The following B3GALT1 variants were observed in gnomAD, a reference collection of about 807,000 sequenced individuals.
B3GALT1 encodes beta-1,3-galactosyltransferase 1.
Under a neutral mutation model 23.2 loss-of-function variants are expected in B3GALT1, and 10 were observed. The observed-to-expected ratio is 0.43, with a 90% CI of 0.27 to 0.73. The LOEUF (loss-of-function observed/expected upper bound fraction) is 0.73, where lower values mean the gene tolerates loss of function less well. B3GALT1 is among the 30% of genes least tolerant of loss of function. The pLI is 0.21. For missense variants in B3GALT1, 299 were observed against 405.4 expected, an observed-to-expected ratio of 0.74 and a Z score of 2.25; for synonymous variants, 156 against 141.5, an observed-to-expected ratio of 1.10 and a Z score of -0.73.
chr2:167,709,059 GCTTCTGCC>G (rs1244588067), intron 3 of B3GALT1, among the ~76,000 whole-genome samples: 2 of 152,162 alleles, frequency 1.3e-5, no homozygotes. Context: ...GGGTATTTTT[GCTTCTGCC>G]CATTTCATGC....
rs115083548 is a variant in B3GALT1 at position 167,790,498 on chromosome 2, C to T, written c.-351-28174C>T. 2.2e-3 allele frequency among the ~76,000 whole-genome samples: 342 copies of T among 152,308 alleles called. 1 individual carries two copies. Among genetic ancestry groups the T allele is most frequent in the African/African-American group, 7.6e-3 (315 of 41,566 alleles). Reference sequence around the variant, plus strand: ...TGGACTGTCCGTCTCTACCATCATCCCCATCCTACTCTCGACACACAACCA... The same window carrying T: ...TGGACTGTCCGTCTCTACCATCATCTCCATCCTACTCTCGACACACAACCA... On this transcript the variant is annotated intron_variant, in intron 3 of 4. Transcript: ENST00000392690.
At chr2:167,382,297 TTCTC>T (rs967903625) in intron 1 of B3GALT1, among the ~76,000 whole-genome samples, 2 of 152,156 alleles carry the variant, frequency 1.3e-5, no homozygotes, top group African/African-American at 4.8e-5. Context: ...CTAAGTTTTT[TTCTC>T]TCTTTTTTGT....
intron 2 of B3GALT1, among the ~76,000 whole-genome samples, chr2:167,550,517 A>G (rs1323236429): frequency 1.3e-5 from 2 of 152,208 alleles, no homozygotes; most frequent in African/African-American, 2.4e-5. Flanking sequence ...GATCTCTAAA[A>G]TTTTGATAAA....
chr2:167,632,462 T>C (rs997030871), intron 2 of B3GALT1, among the ~76,000 whole-genome samples: 8 of 152,098 alleles, frequency 5.3e-5, no homozygotes, highest in African/African-American at 1.9e-4. Context: ...ATCTGTTGTT[T>C]CCAGACTTTT....
intron 1 of B3GALT1, among the ~76,000 whole-genome samples, chr2:167,384,836 C>T (rs1033386392): frequency 1.3e-5 from 2 of 151,988 alleles, no homozygotes; most frequent in African/African-American, 4.8e-5. Context: ...TTAAAACCTC[C>T]ATCTCACCAA....
At chr2:167,540,243 C>T (rs1683513134) in intron 2 of B3GALT1, among the ~76,000 whole-genome samples, 1 of 152,116 alleles carries the variant, frequency 6.6e-6, no homozygotes, top group Admixed American at 6.5e-5. Context: ...AAGCATGCAC[C>T]AAGAAAGTGC....
At chr2:167,486,649 C>CA (rs1699630784) in intron 1 of B3GALT1, among the ~76,000 whole-genome samples, 1 of 151,192 alleles carries the variant, frequency 6.6e-6, no homozygotes, top group Non-Finnish European at 1.5e-5. Context: ...AGCCGGGAGG[C>CA]GAAGGTTGCA....
At chr2:167,449,935 A>G (rs1699061859) in intron 1 of B3GALT1, among the ~76,000 whole-genome samples, 1 of 152,190 alleles carries the variant, frequency 6.6e-6, no homozygotes, top group South Asian at 2.1e-4. Flanking sequence ...CATTCCTGGT[A>G]TGAAGCCCAT....
intron 2 of B3GALT1, among the ~76,000 whole-genome samples, chr2:167,567,672 C>T (rs909966118): frequency 1.3e-5 from 2 of 152,048 alleles, no homozygotes; most frequent in African/African-American, 4.8e-5. Context: ...CAGCCTTCCC[C>T]GTTATCAACA....
At chr2:167,559,291 C>CA (rs1406928570) in intron 2 of B3GALT1, among the ~76,000 whole-genome samples, 1 of 152,110 alleles carries the variant, frequency 6.6e-6, no homozygotes, top group Non-Finnish European at 1.5e-5. Flanking sequence ...ACATCCACAC[C>CA]AAAAACCCAT....
chr2:167,304,578 G>C (rs190290327), intron 1 of B3GALT1, among the ~76,000 whole-genome samples: 124 of 152,152 alleles, frequency 8.1e-4, no homozygotes, highest in Middle Eastern at 3.4e-3. Context: ...GTTATTCAGG[G>C]CTCTCTAGAG....
At chr2:167,400,514 A>T (rs1207296760) in intron 1 of B3GALT1, among the ~76,000 whole-genome samples, 1 of 151,924 alleles carries the variant, frequency 6.6e-6, no homozygotes, top group African/African-American at 2.4e-5. Flanking sequence ...CTGCTTTGCC[A>T]GCTGAATCTC....
At chr2:167,443,086 T>C (rs1325058202) in intron 1 of B3GALT1, among the ~76,000 whole-genome samples, 2 of 152,088 alleles carry the variant, frequency 1.3e-5, no homozygotes, top group African/African-American at 2.4e-5. Flanking sequence ...TTCAGCTTTC[T>C]ACATATGGCT....
chr2:167,516,158 AG>A (rs1386063480), intron 2 of B3GALT1, among the ~76,000 whole-genome samples: 1 of 152,128 alleles, frequency 6.6e-6, no homozygotes, highest in African/African-American at 2.4e-5. Context: ...AGATTCTGTT[AG>A]AAATGCTGCA....
At chr2:167,501,718 CAAAAAAAAAAA>C (rs35445623) in intron 2 of B3GALT1, among the ~76,000 whole-genome samples, 12 of 65,390 alleles carry the variant, frequency 1.8e-4, no homozygotes, top group African/African-American at 5.1e-4. Flanking sequence ...TCTACAGTGG[CAAAAAAAAAAA>C]AAAAAAAAAA....
intron 2 of B3GALT1, among the ~76,000 whole-genome samples, chr2:167,523,319 C>A (rs956503385): frequency 6.6e-6 from 1 of 152,030 alleles, no homozygotes; most frequent in African/African-American, 2.4e-5. Flanking sequence ...TCGCAAATTA[C>A]TAAAGGGTAT....
chr2:167,625,526 A>G (rs1685325118), intron 2 of B3GALT1, among the ~76,000 whole-genome samples: 1 of 151,836 alleles, frequency 6.6e-6, no homozygotes, highest in Non-Finnish European at 1.5e-5. Flanking sequence ...CTGTCAGAAG[A>G]AGAAATTGGA....
intron 3 of B3GALT1, among the ~76,000 whole-genome samples, chr2:167,751,774 T>C (rs1340687011): frequency 1.3e-5 from 2 of 152,202 alleles, no homozygotes; most frequent in African/African-American, 4.8e-5. Flanking sequence ...CCTGGGGTAC[T>C]GCAAGATTTA....
intron 3 of B3GALT1, among the ~76,000 whole-genome samples, chr2:167,781,603 C>T (rs1231023222): frequency 2.0e-5 from 3 of 152,190 alleles, no homozygotes; most frequent in Admixed American, 2.0e-4. Context: ...GTTATTTCCT[C>T]ACAGTATTTC....
Sources: gnomAD v4.1 joint callset for allele counts (sites outside exome capture counted in the v4.1 genomes callset) on GRCh38, gnomAD v4.1.1 for gene constraint, MANE v1.5 for transcripts, NCBI Gene and HGNC (gene_info 2026-07-23, HGNC 2026-07-21) for gene names.